The following MMP16 variants were observed in gnomAD, a reference collection of about 807,000 sequenced individuals.
MMP16 encodes the protein matrix metallopeptidase 16, also known as matrix metalloproteinase-16.
MMP16 carries 12 observed loss-of-function variants against 67.8 expected under a neutral mutation model. That is an observed-to-expected ratio of 0.18 (90% CI 0.11 to 0.29). MMP16 has a LOEUF of 0.29. MMP16 is among the 10% of genes least tolerant of loss of function. The pLI is 1.00. For missense variants in MMP16, 475 were observed against 765.7 expected (o/e 0.62, Z 4.48); for synonymous variants, 249 against 255.9 (o/e 0.97, Z 0.26).
chr8:88,228,655 A>G (rs1809809186), intron 1 of MMP16, among the ~76,000 whole-genome samples: 1 of 152,092 alleles, frequency 6.6e-6, no homozygotes, highest in South Asian at 2.1e-4. Context: ...TCTGTCTTAA[A>G]ACCAAAAATA....
At chr8:88,123,951 C>T (rs1187991313) in intron 4 of MMP16, among the ~76,000 whole-genome samples, 9 of 151,896 alleles carry the variant, frequency 5.9e-5, no homozygotes, top group Admixed American at 5.3e-4. Context: ...CCCCTAGTGC[C>T]TCAAACTCTA....
At chr8:88,206,263 C>G (rs1271619796) in intron 1 of MMP16, among the ~76,000 whole-genome samples, 1 of 152,042 alleles carries the variant, frequency 6.6e-6, no homozygotes, top group African/African-American at 2.4e-5. Context: ...TTTTCATCAC[C>G]CCAAACTGAA....
chr8:88,252,969 C>G (rs187533475), intron 1 of MMP16, among the ~76,000 whole-genome samples: 153 of 152,176 alleles, frequency 1.0e-3, no homozygotes, highest in Non-Finnish European at 1.5e-3. Context: ...TCTCTGGGAA[C>G]TAGTTCAGAT....
At chr8:88,242,796 G>A (rs998808638) in intron 1 of MMP16, among the ~76,000 whole-genome samples, 5 of 152,258 alleles carry the variant, frequency 3.3e-5, no homozygotes, top group African/African-American at 4.8e-5. Flanking sequence ...TACTGTGACT[G>A]GAAAATTTTG....
intron 8 of MMP16, among the ~76,000 whole-genome samples, chr8:88,053,970 C>A (rs1195871496): frequency 1.3e-5 from 2 of 152,100 alleles, no homozygotes; most frequent in Non-Finnish European, 2.9e-5. Context: ...CTAAAAAACC[C>A]TTTTCCCATT....
At chr8:88,248,503 T>G (rs1463382851) in intron 1 of MMP16, among the ~76,000 whole-genome samples, 2 of 152,044 alleles carry the variant, frequency 1.3e-5, no homozygotes, top group Admixed American at 1.3e-4. Context: ...CAGGCAGAAA[T>G]GGCAAAAACT....
chr8:88,294,554 GTC>G (rs1255598568), intron 1 of MMP16, among the ~76,000 whole-genome samples: 2 of 150,086 alleles, frequency 1.3e-5, no homozygotes, highest in African/African-American at 2.5e-5. Context: ...ATGTATATAT[GTC>G]TCTATACACA....
At chr8:88,306,427 A>AT (rs893121685) in intron 1 of MMP16, among the ~76,000 whole-genome samples, 5 of 152,174 alleles carry the variant, frequency 3.3e-5, no homozygotes, top group African/African-American at 9.7e-5. Flanking sequence ...TTCCTAGCTC[A>AT]TTTTATGACA....
At chr8:88,258,535 A>G (rs1810340028) in intron 1 of MMP16, among the ~76,000 whole-genome samples, 1 of 152,208 alleles carries the variant, frequency 6.6e-6, no homozygotes, top group African/African-American at 2.4e-5. Context: ...CTAAAACAAA[A>G]TCACTAAAAA....
intron 1 of MMP16, among the ~76,000 whole-genome samples, chr8:88,245,406 T>A (rs1426125830): frequency 6.6e-6 from 1 of 152,176 alleles, no homozygotes; most frequent in East Asian, 1.9e-4. Context: ...CTGACAGGCA[T>A]GGAAATCAAC....
At chr8:88,044,640 G>A (rs1189594150) in intron 9 of MMP16, among the ~76,000 whole-genome samples, 2 of 152,076 alleles carry the variant, frequency 1.3e-5, no homozygotes, top group Non-Finnish European at 2.9e-5. Flanking sequence ...GCTGTGTTTT[G>A]ATGATCCTTT....
At chr8:88,078,272 T>A (rs1330083012) in intron 6 of MMP16, among the ~76,000 whole-genome samples, 1 of 152,144 alleles carries the variant, frequency 6.6e-6, no homozygotes, top group Non-Finnish European at 1.5e-5. Flanking sequence ...ACACCAATAT[T>A]TCACTTAAGA....
At chr8:88,175,977 T>C (rs971599712) in intron 3 of MMP16, among the ~76,000 whole-genome samples, 4 of 152,234 alleles carry the variant, frequency 2.6e-5, no homozygotes, top group African/African-American at 9.6e-5. Flanking sequence ...TCCCTAGCCA[T>C]GTGGAACTGT....
At chr8:88,184,185 A>G (rs1333944219) in intron 3 of MMP16, among the ~76,000 whole-genome samples, 2 of 152,172 alleles carry the variant, frequency 1.3e-5, no homozygotes, top group African/African-American at 4.8e-5. Flanking sequence ...CAGAAGTTCA[A>G]CATCTCTCTA....
intron 4 of MMP16, among the ~76,000 whole-genome samples, chr8:88,134,983 AG>A (rs1433990632): frequency 2.6e-5 from 4 of 151,662 alleles, no homozygotes; most frequent in African/African-American, 9.7e-5. Flanking sequence ...CATTAAAAAA[AG>A]GATAAGAAAT....
At chr8:88,184,471 G>A (rs1240049466) in intron 3 of MMP16, among the ~76,000 whole-genome samples, 1 of 137,688 alleles carries the variant, frequency 7.3e-6, no homozygotes, top group East Asian at 2.2e-4. Context: ...GCTCACTCCT[G>A]TAATCTCTGT....
chr8:88,074,849 T>C (rs1808619084), intron 6 of MMP16, 106 bp from the exon 7 acceptor site: 1 of 1,380,774 alleles, frequency 7.2e-7, no homozygotes, highest in Non-Finnish European at 9.9e-7. Context: ...CCTTATTTAT[T>C]GTCTTACATT....
intron 4 of MMP16, among the ~76,000 whole-genome samples, chr8:88,121,191 G>A (rs746763490): frequency 1.3e-5 from 2 of 151,244 alleles, no homozygotes; most frequent in Non-Finnish European, 2.9e-5. Context: ...GTATCTGTTC[G>A]CTTCAGATCA....
At chr8:88,206,321 C>T (rs1809425500) in intron 1 of MMP16, among the ~76,000 whole-genome samples, 3 of 151,944 alleles carry the variant, frequency 2.0e-5, no homozygotes, top group Middle Eastern at 3.2e-3. Context: ...AATGTGGTTT[C>T]GTTATGATGA....
Sources: allele counts gnomAD v4.1 joint callset (sites outside exome capture counted in the v4.1 genomes callset), GRCh38; gene constraint gnomAD v4.1.1; transcripts MANE v1.5; gene names NCBI Gene and HGNC (gene_info 2026-07-23, HGNC 2026-07-21).